GRID1: variants seen among roughly 807,000 people sequenced by gnomAD.
GRID1 encodes the protein glutamate receptor ionotropic, delta-1.
Under a neutral mutation model 98.0 loss-of-function variants are expected in GRID1, and 28 were observed. That is an observed-to-expected ratio of 0.29 (90% confidence interval 0.21 to 0.39). The LOEUF is 0.39. Among genes scored for constraint, GRID1 ranks in the 10% least tolerant of loss-of-function variants. The probability of loss-of-function intolerance (pLI) is 1.00; values close to 1 mark genes in which losing one functional copy is unlikely to be tolerated. For synonymous variants in GRID1, 553 were observed against 538.5 expected, an observed-to-expected ratio of 1.03 and a Z score of -0.37; for missense variants, 1,111 against 1,340.5, an observed-to-expected ratio of 0.83 and a Z score of 2.67.
chr10:86,279,218 C>T (rs1847318995), intron 2 of GRID1, among the ~76,000 whole-genome samples: 1 of 152,172 alleles, frequency 6.6e-6, no homozygotes, highest in Non-Finnish European at 1.5e-5. Context: ...GAAGAGGGCC[C>T]TCATCAGTGC....
At chr10:86,144,650 C>G (rs1845059178) in intron 3 of GRID1, among the ~76,000 whole-genome samples, 1 of 152,148 alleles carries the variant, frequency 6.6e-6, no homozygotes, top group South Asian at 2.1e-4. Context: ...CAGCATCCAG[C>G]CTGCAGTCCT....
At chr10:85,856,813 G>T (rs957993501) in intron 6 of GRID1, among the ~76,000 whole-genome samples, 1 of 152,188 alleles carries the variant, frequency 6.6e-6, no homozygotes, top group Non-Finnish European at 1.5e-5. Flanking sequence ...GCCACCGCTG[G>T]CGGATCCTTG....
At chr10:85,969,200 G>C (rs1165077754) in intron 4 of GRID1, among the ~76,000 whole-genome samples, 1 of 152,136 alleles carries the variant, frequency 6.6e-6, no homozygotes, top group Non-Finnish European at 1.5e-5. Context: ...GGCAAAAATT[G>C]ACAGTATTGA....
chr10:85,807,648 G>A (rs1842634874), intron 8 of GRID1, among the ~76,000 whole-genome samples: 1 of 151,990 alleles, frequency 6.6e-6, no homozygotes, highest in African/African-American at 2.4e-5. Context: ...ATAGTGATCA[G>A]GGATATGCAA....
Position 85,907,694 on chromosome 10 carries a change from C to T in GRID1, c.780+8492G>A, listed in dbSNP as rs146952855. Among the ~76,000 whole-genome samples, 1,031 of 151,858 alleles carry T rather than the reference C, an allele frequency of 6.8e-3. 9 individuals are homozygous for T. The highest frequency in any genetic ancestry group is 0.014 in the Admixed American group (211 of 15,252). ...TTTTGAGGCCAGCATTATGCCAATG[C>T]CAAAACTAAAGACAGACATCAAAAG... On this transcript the variant is annotated intron_variant, in intron 5 of 15. Transcript: ENST00000327946.
At chr10:85,663,326 C>A (rs55679704) in intron 12 of GRID1, among the ~76,000 whole-genome samples, 3,503 of 152,194 alleles carry the variant, frequency 0.023, 103 homozygotes, top group East Asian at 0.11. Flanking sequence ...AAAATGAAGG[C>A]AGAGAGCAGG....
intron 4 of GRID1, among the ~76,000 whole-genome samples, chr10:85,958,097 T>G (rs1381955557): frequency 6.6e-6 from 1 of 152,200 alleles, no homozygotes; most frequent in Non-Finnish European, 1.5e-5. Flanking sequence ...CAATAACCTC[T>G]AGAAACCCCT....
intron 3 of GRID1, among the ~76,000 whole-genome samples, chr10:86,144,220 G>A (rs1446766213): frequency 6.6e-6 from 1 of 152,132 alleles, no homozygotes; most frequent in Non-Finnish European, 1.5e-5. Context: ...ATAAATGCTG[G>A]ATGGGAGGGG....
chr10:86,264,802 T>C, intron 2 of GRID1: 1 of 477,850 alleles, frequency 2.1e-6, no homozygotes, highest in Non-Finnish European at 4.4e-6. Flanking sequence ...CACACGCTCG[T>C]CTGTGTCACC....
chr10:85,628,412 A>G (rs1205786565), intron 13 of GRID1, among the ~76,000 whole-genome samples: 2 of 152,102 alleles, frequency 1.3e-5, no homozygotes, highest in Middle Eastern at 3.4e-3. Context: ...GTGTGAGTGT[A>G]TGAGTATGTG....
intron 2 of GRID1, among the ~76,000 whole-genome samples, chr10:86,308,353 C>T (rs551485191): frequency 6.6e-6 from 1 of 152,372 alleles, no homozygotes; most frequent in Admixed American, 6.5e-5. Flanking sequence ...GCCCCAGAGC[C>T]ACTTCCAGAA....
At chr10:85,969,062 T>G (rs1842374370) in intron 4 of GRID1, among the ~76,000 whole-genome samples, 1 of 152,128 alleles carries the variant, frequency 6.6e-6, no homozygotes, top group Non-Finnish European at 1.5e-5. Context: ...GCAGACAAAA[T>G]AGACTTTAAG....
intron 2 of GRID1, among the ~76,000 whole-genome samples, chr10:86,343,597 A>G (rs982211456): frequency 1.3e-5 from 2 of 152,242 alleles, no homozygotes; most frequent in African/African-American, 2.4e-5. Flanking sequence ...GTTGGCTCAG[A>G]GCTCTGCTGG....
At chr10:86,242,401 G>T (rs1846651867) in intron 2 of GRID1, among the ~76,000 whole-genome samples, 1 of 152,166 alleles carries the variant, frequency 6.6e-6, no homozygotes, top group African/African-American at 2.4e-5. Context: ...GCCTCAGGGG[G>T]CTAGGCTGAG....
chr10:86,242,620 G>A (rs991629524), intron 2 of GRID1, among the ~76,000 whole-genome samples: 1 of 152,176 alleles, frequency 6.6e-6, no homozygotes, highest in Non-Finnish European at 1.5e-5. Context: ...AGGCCATATA[G>A]GAAGAATGGC....
intron 5 of GRID1, among the ~76,000 whole-genome samples, chr10:85,883,471 T>A (rs1052389696): frequency 6.6e-6 from 1 of 152,002 alleles, no homozygotes; most frequent in Non-Finnish European, 1.5e-5. Flanking sequence ...TTCCTTCGTT[T>A]TCCTTTGTCC....
intron 12 of GRID1, among the ~76,000 whole-genome samples, chr10:85,720,633 C>CAAAAAAAAAAAAAA (rs1178857868): frequency 1.3e-5 from 1 of 79,090 alleles, no homozygotes; most frequent in African/African-American, 3.6e-5. Flanking sequence ...AACAAACAGA[C>CAAAAAAAAAAAAAA]AAAAAAAAAA....
intron 2 of GRID1, among the ~76,000 whole-genome samples, chr10:86,221,809 C>A (rs1351696380): frequency 6.6e-6 from 1 of 152,142 alleles, no homozygotes; most frequent in Non-Finnish European, 1.5e-5. Context: ...GAAGGCAGGA[C>A]CTGCTCAGAG....
chr10:85,674,840 G>GACTC (rs1841126537), intron 12 of GRID1, among the ~76,000 whole-genome samples: 1 of 151,922 alleles, frequency 6.6e-6, no homozygotes, highest in Non-Finnish European at 1.5e-5. Context: ...TATAACCAAA[G>GACTC]ACTCACTATG....
Sources: allele counts gnomAD v4.1 joint callset (sites outside exome capture counted in the v4.1 genomes callset), GRCh38; gene constraint gnomAD v4.1.1; transcripts MANE v1.5; gene names NCBI Gene and HGNC (gene_info 2026-07-23, HGNC 2026-07-21).